Variants in TBC1D5 observed in about 807,000 individuals in gnomAD.
TBC1D5 encodes TBC1 domain family member 5.
A neutral mutation model predicts 100.3 loss-of-function variants in TBC1D5; 75 were observed. That is an observed-to-expected ratio of 0.75 (90% CI 0.62 to 0.91). The LOEUF (loss-of-function observed/expected upper bound fraction) is 0.91, where lower values mean the gene tolerates loss of function less well. TBC1D5 is among the 40% of genes least tolerant of loss of function. The probability of loss-of-function intolerance (pLI) is 0.00; values close to 1 mark genes in which losing one functional copy is unlikely to be tolerated. For missense variants in TBC1D5, 910 were observed against 942.4 expected, an observed-to-expected ratio of 0.97 and a Z score of 0.45; for synonymous variants, 323 against 325.6, an observed-to-expected ratio of 0.99 and a Z score of 0.09.
At chr3:17,527,314 A>C (rs1011612019) in intron 2 of TBC1D5, among the ~76,000 whole-genome samples, 5 of 152,210 alleles carry the variant, frequency 3.3e-5, no homozygotes, top group Non-Finnish European at 5.9e-5. Flanking sequence ...CTGAAAGAAG[A>C]GCATGCTGCG....
intron 1 of TBC1D5, among the ~76,000 whole-genome samples, chr3:17,631,043 CA>C (rs67069718): frequency 6.5e-4 from 19 of 29,404 alleles, no homozygotes; most frequent in Non-Finnish European, 9.0e-4. Context: ...GACTCCGTCT[CA>C]AAAAAAAAAA....
chr3:17,643,982 C>T (rs1356299879), intron 1 of TBC1D5: 4 of 152,100 alleles, frequency 2.6e-5, no homozygotes, highest in African/African-American at 7.2e-5. Flanking sequence ...TATTCTGCCC[C>T]TGCAAATCTG....
intron 3 of TBC1D5, among the ~76,000 whole-genome samples, chr3:17,482,866 T>C (rs2095517081): frequency 6.6e-6 from 1 of 152,116 alleles, no homozygotes. Context: ...AGATCTCCTA[T>C]ATCTAAACAG....
intron 1 of TBC1D5, among the ~76,000 whole-genome samples, chr3:17,682,152 A>C (rs1433951855): frequency 6.6e-6 from 1 of 151,302 alleles, no homozygotes; most frequent in Admixed American, 6.6e-5. Context: ...GAAGCACAAA[A>C]ATTTCTTTAA....
chr3:17,308,859 C>T (rs1430577761), intron 13 of TBC1D5, among the ~76,000 whole-genome samples: 1 of 151,858 alleles, frequency 6.6e-6, no homozygotes, highest in East Asian at 1.9e-4. Context: ...TAAGCAACAT[C>T]TATATATAAT....
chr3:17,161,716 G>A (rs980767499), intron 21 of TBC1D5, among the ~76,000 whole-genome samples: 1 of 152,260 alleles, frequency 6.6e-6, no homozygotes, highest in East Asian at 1.9e-4. Flanking sequence ...TCATGATATA[G>A]TGAGATGATA....
rs1363926293 is a variant in TBC1D5 at position 17,352,683 on chromosome 3, CAAAAA to C, written c.995+19387_995+19391del. On this transcript the variant is annotated intron_variant, in intron 13 of 21. Coordinates refer to ENST00000253692, the Ensembl canonical transcript of TBC1D5. ...TCTAACTACAATACAAAGCAAAAGGCAAAAAAAAAAAAAAAACAAAAAAACCTACT... is the reference window on the plus strand; with the variant it reads ...TCTAACTACAATACAAAGCAAAAGGCAAAAAAAAAAACAAAAAAACCTACT... Among the ~76,000 whole-genome samples the C allele has an allele frequency of 2.1e-4, 20 of 94,930 alleles. No individual in the cohort carries two copies. In the South Asian group the frequency reaches 6.2e-3, roughly 29 times the overall value. 62.3% of individuals were successfully genotyped at this position (94,930 alleles called of 152,430 possible). A position where few individuals can be genotyped will look rare whatever the true frequency, so the allele number is the denominator to read the frequency against.
At chr3:17,162,719 T>C (rs2066192220) in intron 21 of TBC1D5, among the ~76,000 whole-genome samples, 1 of 152,216 alleles carries the variant, frequency 6.6e-6, no homozygotes. Flanking sequence ...GTCTTTTTTC[T>C]GAGTTGGAGG....
chr3:17,495,161 T>C (rs2095690907), intron 3 of TBC1D5, among the ~76,000 whole-genome samples: 1 of 152,208 alleles, frequency 6.6e-6, no homozygotes, highest in African/African-American at 2.4e-5. Flanking sequence ...GCCGCCACTT[T>C]TGTTTTCCTC....
intron 4 of TBC1D5, among the ~76,000 whole-genome samples, chr3:17,410,596 TG>T (rs1251993869): frequency 6.6e-6 from 1 of 152,094 alleles, no homozygotes; most frequent in Non-Finnish European, 1.5e-5. Context: ...TAGAGATTCG[TG>T]GTGGAAAGTC....
intron 16 of TBC1D5, among the ~76,000 whole-genome samples, chr3:17,241,864 TA>T (rs1025576289): frequency 3.3e-5 from 5 of 152,046 alleles, no homozygotes; most frequent in African/African-American, 7.2e-5. Context: ...TATAAATGTT[TA>T]AAAAAAACCC....
intron 8 of TBC1D5, among the ~76,000 whole-genome samples, chr3:17,387,072 G>C (rs540372333): frequency 6.6e-6 from 1 of 152,162 alleles, no homozygotes; most frequent in South Asian, 2.1e-4. Flanking sequence ...CACTCTCTTT[G>C]TTAGAAAACT....
In TBC1D5 at chr3:17,705,347, A is replaced by ACC. The variant is rs749780289; in HGVS notation, c.-101+33994_-101+33995dup. ...GGGCGGCTGGCCGGGCTGGGGGCTG[A>ACC]CCCCCCCCCACCTCCCTCCCGGACG... On this transcript the variant is annotated intron_variant, in intron 1 of 21. Transcript: ENST00000253692. Among the ~76,000 whole-genome samples, 196 of 41,088 alleles carry ACC rather than the reference A, an allele frequency of 4.8e-3. 44 individuals carry two copies. Among genetic ancestry groups the ACC allele is most frequent in the Admixed American group, 0.031 (146 of 4,670 alleles). 27.0% of individuals were successfully genotyped at this position (41,088 alleles called of 152,430 possible). A position where few individuals can be genotyped will look rare whatever the true frequency, so the allele number is the denominator to read the frequency against.
At chr3:17,688,156 A>C (rs2070591849) in intron 1 of TBC1D5, among the ~76,000 whole-genome samples, 1 of 152,162 alleles carries the variant, frequency 6.6e-6, no homozygotes, top group Non-Finnish European at 1.5e-5. Context: ...ACAGTATTAA[A>C]TAAAAAAATA....
At chr3:17,284,122 ACG>A (rs1491098419) in intron 15 of TBC1D5, among the ~76,000 whole-genome samples, 12 of 150,734 alleles carry the variant, frequency 8.0e-5, no homozygotes, top group Admixed American at 5.3e-4. Context: ...ACACACACAC[ACG>A]TATTTTTAAT....
At position 17,326,435 on chromosome 3, in the gene TBC1D5, C is replaced by T. The variant is rs141079794; in HGVS notation, c.996-18301G>A. Among the ~76,000 whole-genome samples, 931 of 152,184 alleles carry T rather than the reference C, an allele frequency of 6.1e-3. 33 individuals are homozygous for T. Among genetic ancestry groups the T allele is most frequent in the Admixed American group, 0.055 (848 of 15,282 alleles). On this transcript the variant is annotated intron_variant, in intron 13 of 21. Transcript: ENST00000253692. ...AGTAAAATGTGCTTGCTCCATCTTA[C>T]TTGGAACCAGAACCTCTGTACTTGA...
chr3:17,491,324 C>T (rs368903193), intron 3 of TBC1D5, among the ~76,000 whole-genome samples: 1 of 152,152 alleles, frequency 6.6e-6, no homozygotes, highest in East Asian at 1.9e-4. Flanking sequence ...CCTGAGTGCT[C>T]TGGCCAGAAC....
intron 3 of TBC1D5, among the ~76,000 whole-genome samples, chr3:17,480,982 T>C (rs569540387): frequency 7.9e-5 from 12 of 152,230 alleles, no homozygotes; most frequent in Admixed American, 7.2e-4. Context: ...GCTCACCACA[T>C]TGTGGGCAAT....
chr3:17,337,415 G>C (rs1310322238), intron 13 of TBC1D5: 2 of 152,066 alleles, frequency 1.3e-5, no homozygotes, highest in African/African-American at 2.4e-5. Context: ...GTTTTATTCT[G>C]TCTCACCAGT....
Sources: gnomAD v4.1 joint callset for allele counts (sites outside exome capture counted in the v4.1 genomes callset) on GRCh38, gnomAD v4.1.1 for gene constraint, MANE v1.5 for transcripts, NCBI Gene and HGNC (gene_info 2026-07-23, HGNC 2026-07-21) for gene names.